Variants in SPAG17 observed in about 807,000 individuals in gnomAD.
SPAG17 encodes sperm associated antigen 17.
In SPAG17, 169 loss-of-function variants were observed where a neutral mutation model predicts 273.6. The ratio of observed to expected loss-of-function variants is 0.62; its 90% CI spans 0.55 to 0.70. The LOEUF (loss-of-function observed/expected upper bound fraction) is 0.70, where lower values mean the gene tolerates loss of function less well. Among genes scored for constraint, SPAG17 ranks in the 30% least tolerant of loss-of-function variants. SPAG17 has a pLI of 0.00. For missense variants in SPAG17, 2,557 were observed against 2,627.8 expected, an observed-to-expected ratio of 0.97 and a Z score of 0.59; for synonymous variants, 825 against 873.2, an observed-to-expected ratio of 0.94 and a Z score of 0.97.
chr1:117,955,230 CCT>C, intron 48 of SPAG17: 2 of 1,138,346 alleles, frequency 1.8e-6, no homozygotes, highest in East Asian at 5.0e-5. Flanking sequence ...AGGAGGGGTT[CCT>C]GTTTTATAGG....
At chr1:118,041,065 A>G (rs1417394979) in intron 21 of SPAG17, among the ~76,000 whole-genome samples, 1 of 152,190 alleles carries the variant, frequency 6.6e-6, no homozygotes, top group East Asian at 1.9e-4. Context: ...TCATTGGCAC[A>G]TTCTCATAAC....
intron 1 of SPAG17, among the ~76,000 whole-genome samples, chr1:118,173,049 A>C (rs1010610379): frequency 1.1e-4 from 17 of 152,036 alleles, no homozygotes; most frequent in Non-Finnish European, 2.4e-4. Context: ...GAAAATCAGA[A>C]TTTATTAAAA....
At chr1:117,989,481 C>T (rs181589010) in intron 38 of SPAG17, among the ~76,000 whole-genome samples, 149 of 152,176 alleles carry the variant, frequency 9.8e-4, no homozygotes, top group African/African-American at 3.5e-3. Context: ...ACCAAGAGGA[C>T]AGAAGGTACC....
rs143125506 is a variant in SPAG17, at chr1:118,152,409, T to C, written c.88-1040A>G. Among the ~76,000 whole-genome samples, 207 of 152,304 alleles carry C rather than the reference T, an allele frequency of 1.4e-3. 2 individuals are homozygous for C. Among genetic ancestry groups the C allele is most frequent in the African/African-American group, 4.1e-3 (172 of 41,564 alleles). On this transcript the variant is annotated intron_variant, in intron 1 of 48. Transcript: ENST00000336338. ...AATAAAATGCATCATTTTATTTGGTTCCTCTGGTTTCTGCCCACTTTATAA... is the reference window on the plus strand; with the variant it reads ...AATAAAATGCATCATTTTATTTGGTCCCTCTGGTTTCTGCCCACTTTATAA...
chr1:117,965,226 C>T (rs182692333), intron 47 of SPAG17: 1 of 152,252 alleles, frequency 6.6e-6, no homozygotes, highest in East Asian at 1.9e-4. Flanking sequence ...CAATAGCATC[C>T]GTCAATTGTG....
chr1:118,116,173 C>G (rs1297149939), intron 3 of SPAG17, among the ~76,000 whole-genome samples: 4 of 152,090 alleles, frequency 2.6e-5, no homozygotes, highest in Admixed American at 1.3e-4. Context: ...AACATCTGGG[C>G]CCTTTTCCTT....
intron 3 of SPAG17, among the ~76,000 whole-genome samples, chr1:118,120,101 G>A (rs1187204217): frequency 6.6e-6 from 1 of 152,092 alleles, no homozygotes; most frequent in Non-Finnish European, 1.5e-5. Context: ...CACCAAAACT[G>A]TATGAAAGGG....
At chr1:117,961,836 T>C (rs1210390045) in intron 48 of SPAG17, 3 of 152,492 alleles carry the variant, frequency 2.0e-5, no homozygotes, top group Non-Finnish European at 1.5e-5. Context: ...GGATAATGCA[T>C]TCTAGGTGCT....
intron 40 of SPAG17, among the ~76,000 whole-genome samples, chr1:117,987,438 G>A (rs1238905357): frequency 2.0e-5 from 3 of 152,298 alleles, no homozygotes; most frequent in Non-Finnish European, 2.9e-5. Flanking sequence ...CAAGACAGCT[G>A]GAGTTGAAAT....
At chr1:118,109,093 G>A (rs891752134) in intron 4 of SPAG17, among the ~76,000 whole-genome samples, 1 of 151,202 alleles carries the variant, frequency 6.6e-6, no homozygotes, top group Non-Finnish European at 1.5e-5. Flanking sequence ...ATGAAAGGAA[G>A]ATAAATGGTA....
At position 118,039,479 on chromosome 1, in the gene SPAG17, T is replaced by C. The variant is rs1264305545; in HGVS notation, c.3167-35A>G. 1.9e-6 allele frequency: 3 copies of C among 1,606,676 alleles called. No homozygotes were observed. The Admixed American group carries it at 5.1e-5, about 27-fold the overall frequency. Reference sequence around the variant, plus strand: ...AACCATAGAATAGAAGATGGGCTGATTAGGATGCCACATTAAGCTCCTCGA... The same window carrying C: ...AACCATAGAATAGAAGATGGGCTGACTAGGATGCCACATTAAGCTCCTCGA... On this transcript the variant is annotated intron_variant, in intron 22 of 48. Coordinates refer to ENST00000336338, the MANE Select transcript of SPAG17 (RefSeq NM_206996.4).
chr1:118,081,457 A>G lies in SPAG17; in HGVS notation c.1948T>C (p.Tyr650His), dbSNP rs781683170. Residue 650 changes from tyrosine (Y) to histidine (H), a missense_variant, in exon 14 of 49, where the codon TAT becomes CAT. By Grantham distance (83) the Tyr-to-His change is moderately conservative. Coordinates refer to ENST00000336338, the MANE Select transcript of SPAG17 (RefSeq NM_206996.4). The stretch of plus-strand genomic sequence containing the variant: ...TCTTGAGTATTCATTTTCATGACAT[A>G]TTGCTGCCTTATCTGTTTAGCAAAT... ...ARFAKQIRQQ[Y>H]VMKMNTQEAK... 2.5e-6 allele frequency: 4 copies of G among 1,613,882 alleles called. No individual in the cohort carries two copies. Among genetic ancestry groups the G allele is most frequent in the Middle Eastern group, 1.6e-4 (1 of 6,062 alleles).
At chr1:118,138,466 T>G (rs538784904) in intron 3 of SPAG17, among the ~76,000 whole-genome samples, 25 of 152,306 alleles carry the variant, frequency 1.6e-4, no homozygotes, top group African/African-American at 6.0e-4. Context: ...TCTAAGGCAG[T>G]GTTTTTTCAA....
intron 25 of SPAG17, 64 bp downstream of exon 25, chr1:118,031,628 G>GT: frequency 6.5e-7 from 1 of 1,529,310 alleles, no homozygotes; most frequent in Non-Finnish European, 9.0e-7. Flanking sequence ...ATAAGTCATG[G>GT]TTTTAAAAAA....
intron 32 of SPAG17, among the ~76,000 whole-genome samples, chr1:118,003,312 C>T (rs567619975): frequency 3.9e-5 from 6 of 152,280 alleles, no homozygotes; most frequent in Admixed American, 2.6e-4. Flanking sequence ...TGGGGTTGCT[C>T]TTCTCGAGGA....
intron 18 of SPAG17, among the ~76,000 whole-genome samples, chr1:118,060,634 T>G (rs1288611057): frequency 1.3e-5 from 2 of 152,210 alleles, no homozygotes; most frequent in African/African-American, 4.8e-5. Flanking sequence ...TATGCTTTTA[T>G]AAGTTTTCAC....
chr1:117,974,111 A>T (rs574896198), intron 43 of SPAG17, among the ~76,000 whole-genome samples: 1 of 152,294 alleles, frequency 6.6e-6, no homozygotes, highest in Admixed American at 6.5e-5. Context: ...TATCATGAAC[A>T]TTACTGCAGT....
intron 4 of SPAG17, among the ~76,000 whole-genome samples, chr1:118,110,733 A>G (rs1656707889): frequency 6.6e-6 from 1 of 152,170 alleles, no homozygotes; most frequent in African/African-American, 2.4e-5. Context: ...ATGGAACCAG[A>G]TGGTTGTGAG....
At chr1:118,088,693 G>A (rs1655165927) in intron 10 of SPAG17, among the ~76,000 whole-genome samples, 1 of 151,950 alleles carries the variant, frequency 6.6e-6, no homozygotes, top group South Asian at 2.1e-4. Flanking sequence ...AAAAAAAGTA[G>A]AGAATTTACA....
Sources: allele counts gnomAD v4.1 joint callset (sites outside exome capture counted in the v4.1 genomes callset), GRCh38; gene constraint gnomAD v4.1.1; transcripts MANE v1.5; gene names NCBI Gene and HGNC (gene_info 2026-07-23, HGNC 2026-07-21).